Variants in CCDC178 observed in about 807,000 individuals in gnomAD.
CCDC178 encodes coiled-coil domain containing 178.
Under a neutral mutation model 117.4 loss-of-function variants are expected in CCDC178, and 126 were observed. The observed-to-expected ratio is 1.07, with a 90% CI of 0.93 to 1.24. The LOEUF (loss-of-function observed/expected upper bound fraction) is 1.24. CCDC178 is among the 50% of genes most tolerant of loss of function. The pLI is 0.00. For missense variants in CCDC178, 1,030 were observed against 986.9 expected (o/e 1.04, Z -0.59); for synonymous variants, 283 against 313.4 (o/e 0.90, Z 1.02).
chr18:33,030,092 T>C (rs1324364359), intron 21 of CCDC178, among the ~76,000 whole-genome samples: 1 of 152,056 alleles, frequency 6.6e-6, no homozygotes, highest in Non-Finnish European at 1.5e-5. Flanking sequence ...CTCATATTGC[T>C]GAATTATCTA....
intron 22 of CCDC178, among the ~76,000 whole-genome samples, chr18:32,940,806 C>A (rs578100249): frequency 1.6e-4 from 25 of 152,038 alleles, no homozygotes; most frequent in Non-Finnish European, 3.5e-4. Flanking sequence ...GGTAGTCCCC[C>A]TTATGCAAAA....
intron 5 of CCDC178, among the ~76,000 whole-genome samples, chr18:33,377,241 T>A (rs902291381): frequency 6.7e-6 from 1 of 150,156 alleles, no homozygotes; most frequent in Non-Finnish European, 1.5e-5. Flanking sequence ...TGGCCATGTG[T>A]ATGTTTTCTT....
intron 18 of CCDC178, among the ~76,000 whole-genome samples, chr18:33,221,207 C>A (rs1484376217): frequency 6.6e-6 from 1 of 152,050 alleles, no homozygotes; most frequent in Non-Finnish European, 1.5e-5. Context: ...CTAGTAGGCA[C>A]TGAGTTCATG....
At chr18:32,950,162 G>C (rs1049934567) in intron 22 of CCDC178, among the ~76,000 whole-genome samples, 2 of 152,120 alleles carry the variant, frequency 1.3e-5, no homozygotes, top group African/African-American at 4.8e-5. Context: ...GTTATCCAAG[G>C]GAGACTTCTG....
intron 21 of CCDC178, among the ~76,000 whole-genome samples, chr18:32,997,852 G>GA (rs150800963): frequency 1.5e-4 from 23 of 150,566 alleles, no homozygotes; most frequent in African/African-American, 4.4e-4. Flanking sequence ...TTTGATATGA[G>GA]AAAAAAAAAT....
intron 20 of CCDC178, among the ~76,000 whole-genome samples, chr18:33,172,336 G>T (rs573566865): frequency 6.6e-6 from 1 of 152,202 alleles, no homozygotes; most frequent in East Asian, 1.9e-4. Context: ...CCTGGAAAAT[G>T]TATAATTCAG....
chr18:33,098,060 C>T (rs1186468816), intron 20 of CCDC178, among the ~76,000 whole-genome samples: 1 of 151,934 alleles, frequency 6.6e-6, no homozygotes, highest in African/African-American at 2.4e-5. Flanking sequence ...TGTGGAGCTT[C>T]CACCAGAGAC....
intron 12 of CCDC178, among the ~76,000 whole-genome samples, chr18:33,288,391 CCCT>C (rs1431588769): frequency 4.8e-5 from 5 of 105,084 alleles, no homozygotes; most frequent in Admixed American, 3.6e-4. Flanking sequence ...TCCTCTCCCC[CCCT>C]CCCCTTCCTT....
intron 9 of CCDC178, among the ~76,000 whole-genome samples, chr18:33,342,744 G>A (rs982012742): frequency 6.6e-6 from 1 of 152,182 alleles, no homozygotes; most frequent in Non-Finnish European, 1.5e-5. Flanking sequence ...CCAACTCACA[G>A]AGCCATCAGC....
intron 14 of CCDC178, among the ~76,000 whole-genome samples, chr18:33,249,213 G>A (rs552994495): frequency 0.013 from 2,016 of 151,866 alleles, 23 homozygotes; most frequent in Non-Finnish European, 0.023. Flanking sequence ...CCCATTCTGT[G>A]GGTTGCCTGT....
At chr18:33,118,064 C>T (rs2057883764) in intron 20 of CCDC178, among the ~76,000 whole-genome samples, 1 of 152,068 alleles carries the variant, frequency 6.6e-6, no homozygotes, top group African/African-American at 2.4e-5. Context: ...TTTGGCACAG[C>T]ATTTTTTTCT....
chr18:33,398,725 T>A (rs558071889), intron 3 of CCDC178, among the ~76,000 whole-genome samples: 4 of 152,254 alleles, frequency 2.6e-5, no homozygotes, highest in African/African-American at 4.8e-5. Context: ...AATACAAGCA[T>A]ACCTCGGAGA....
chr18:32,993,619 G>A (rs1042364230), intron 21 of CCDC178, among the ~76,000 whole-genome samples: 1 of 152,118 alleles, frequency 6.6e-6, no homozygotes, highest in Non-Finnish European at 1.5e-5. Context: ...CACCTGCCCA[G>A]CATCACCTTG....
intron 22 of CCDC178, 150 bp downstream of exon 22, chr18:32,974,397 T>C (rs935677670): frequency 2.9e-6 from 2 of 681,114 alleles, no homozygotes; most frequent in African/African-American, 1.8e-5. Flanking sequence ...ACTTACTGAA[T>C]TCATTCTTCA....
intron 21 of CCDC178, among the ~76,000 whole-genome samples, chr18:33,018,166 A>G (rs2056034358): frequency 6.6e-6 from 1 of 152,074 alleles, no homozygotes; most frequent in Admixed American, 6.6e-5. Context: ...TAAATGACTA[A>G]TAAGCACAGG....
At chr18:33,364,395 T>C (rs940296896) in intron 6 of CCDC178, among the ~76,000 whole-genome samples, 6 of 152,074 alleles carry the variant, frequency 3.9e-5, no homozygotes, top group Admixed American at 2.0e-4. Flanking sequence ...TGGAATTAGA[T>C]ACTAAATATA....
At chr18:33,201,136 T>C (rs1368926380) in intron 20 of CCDC178, among the ~76,000 whole-genome samples, 1 of 152,182 alleles carries the variant, frequency 6.6e-6, no homozygotes, top group East Asian at 1.9e-4. Context: ...TTCAAAGCAT[T>C]CACCAAGTGA....
intron 15 of CCDC178, among the ~76,000 whole-genome samples, chr18:33,231,127 C>T (rs2144650124): frequency 6.6e-6 from 1 of 152,248 alleles, no homozygotes; most frequent in Non-Finnish European, 1.5e-5. Context: ...ATAACTTTAA[C>T]CAACTGATCA....
intron 18 of CCDC178, among the ~76,000 whole-genome samples, chr18:33,221,863 AG>A (rs2059238777): frequency 6.6e-6 from 1 of 152,114 alleles, no homozygotes; most frequent in Non-Finnish European, 1.5e-5. Context: ...GGCTAAGTGA[AG>A]ATGCTTTCTA....
Sources: allele counts gnomAD v4.1 joint callset (sites outside exome capture counted in the v4.1 genomes callset), GRCh38; gene constraint gnomAD v4.1.1; transcripts MANE v1.5; gene names NCBI Gene and HGNC (gene_info 2026-07-23, HGNC 2026-07-21).